MATR3: variants seen among roughly 807,000 people sequenced by gnomAD.
The protein encoded by MATR3 is matrin 3, also known as matrin-3.
Under a neutral mutation model 85.5 loss-of-function variants are expected in MATR3, and 4 were observed. That is an observed-to-expected ratio of 0.05 (90% CI 0.02 to 0.11). MATR3 has a LOEUF of 0.11. MATR3 is among the 10% of genes least tolerant of loss of function. The probability of loss-of-function intolerance (pLI) is 1.00; values close to 1 mark genes in which losing one functional copy is unlikely to be tolerated. For synonymous variants in MATR3, 336 were observed against 343.1 expected (o/e 0.98, Z 0.23); for missense variants, 685 against 1,016.1 (o/e 0.67, Z 4.43).
intron 1 of MATR3, among the ~76,000 whole-genome samples, chr5:139,300,275 G>A (rs1455075407): frequency 1.3e-5 from 2 of 152,182 alleles, no homozygotes; most frequent in Non-Finnish European, 2.9e-5. Flanking sequence ...TGAGGCAGGA[G>A]AATCACGGGA....
intron 12 of MATR3, 52 bp downstream of exon 12, chr5:139,323,019 A>G: frequency 2.6e-6 from 4 of 1,534,732 alleles, no homozygotes; most frequent in Non-Finnish European, 3.6e-6. Context: ...TCAGATCAGT[A>G]TTTCAAGTTA....
intron 1 of MATR3, among the ~76,000 whole-genome samples, chr5:139,298,489 A>AACCT (rs1158289078): frequency 9.2e-5 from 14 of 152,176 alleles, no homozygotes; most frequent in Non-Finnish European, 2.1e-4. Flanking sequence ...GAATTGCTTG[A>AACCT]ACCTGGGAGG....
intron 2 of MATR3, chr5:139,276,219 G>GAGTA: frequency 2.2e-6 from 1 of 456,680 alleles, no homozygotes; most frequent in Non-Finnish European, 4.4e-6. Flanking sequence ...TTGTACCTAG[G>GAGTA]CAAGTGTTAC....
intron 3 of MATR3, among the ~76,000 whole-genome samples, chr5:139,286,839 G>A (rs1399355764): frequency 2.0e-5 from 2 of 97,998 alleles, no homozygotes; most frequent in East Asian, 2.1e-4. Context: ...GCCAGACTCC[G>A]TCTCAAAAAA....
intron 6 of MATR3, 98 bp from the exon 7 acceptor site, chr5:139,317,498 C>T: frequency 8.4e-7 from 1 of 1,196,250 alleles, no homozygotes; most frequent in Non-Finnish European, 1.2e-6. Context: ...CTTACACTCT[C>T]CTGGTTAATT....
upstream of MATR3, among the ~76,000 whole-genome samples, chr5:139,290,435 G>A (rs1159416336): frequency 9.9e-5 from 5 of 50,312 alleles, no homozygotes; most frequent in African/African-American, 2.8e-4. Flanking sequence ...GCGCCTGGCC[G>A]CTCTTTTTTT....
intron 1 of MATR3, chr5:139,274,352 T>C (rs1753186185): frequency 2.9e-6 from 1 of 342,400 alleles, no homozygotes; most frequent in Non-Finnish European, 5.8e-6. Context: ...CCCTCTTCCC[T>C]CTTCTCCCTA....
upstream of MATR3, among the ~76,000 whole-genome samples, chr5:139,290,362 C>T (rs1202709730): frequency 2.0e-5 from 3 of 149,196 alleles, no homozygotes; most frequent in Non-Finnish European, 1.5e-5. Flanking sequence ...CCAGGCTGGT[C>T]TCGAACTCCT....
chr5:139,305,213 GT>G (rs1305566913), intron 1 of MATR3, among the ~76,000 whole-genome samples: 1 of 152,008 alleles, frequency 6.6e-6, no homozygotes, highest in Non-Finnish European at 1.5e-5. Flanking sequence ...TTCATTTTCT[GT>G]TTGTCTTAAG....
At chr5:139,277,811 G>A (rs1341459366) in intron 2 of MATR3, among the ~76,000 whole-genome samples, 1 of 148,804 alleles carries the variant, frequency 6.7e-6, no homozygotes, top group Non-Finnish European at 1.5e-5. Context: ...GTTATATGGG[G>A]TACAACATGA....
In MATR3 at chr5:139,324,573, T is replaced by G. The variant is rs192437014; in HGVS notation, c.2149-867T>G. Among the ~76,000 whole-genome samples, 108 of 152,202 alleles carry G rather than the reference T, an allele frequency of 7.1e-4. 1 individual carries two copies. The Middle Eastern group carries it at 0.014, about 19-fold the overall frequency. On this transcript the variant is annotated intron_variant, in intron 12 of 14. Coordinates refer to ENST00000394805, the MANE Select transcript of MATR3 (RefSeq NM_018834.6). ...CCTCCCAAAGTGCTGGAATTACAGG[T>G]GTGAGCCACCATGCCTGGCCCAGAG...
In MATR3 at chr5:139,326,350, A is replaced by G. The variant is rs1325435426; in HGVS notation, c.2493+66A>G. The G allele has an allele frequency of 1.9e-5, 28 of 1,497,576 alleles. No homozygotes were observed. The East Asian group carries it at 5.2e-4, about 28-fold the overall frequency. The allele number at this position is 1,497,576 out of a possible 1,614,324, so 92.8% of individuals were successfully genotyped here. ...CAAGTTATGGAAATAAGTGGGGTAT[A>G]TAAGTAAAATGTGTATAGTGTTCTC... On this transcript the variant is annotated intron_variant, in intron 14 of 14. Coordinates refer to ENST00000394805, the MANE Select transcript of MATR3 (RefSeq NM_018834.6).
At chr5:139,314,499 A>G (rs1320927963) in intron 2 of MATR3, 176 bp from the exon 3 acceptor site, 5 of 606,140 alleles carry the variant, frequency 8.2e-6, no homozygotes, top group Non-Finnish European at 1.5e-5. Flanking sequence ...GGGCAGGATC[A>G]AGCCTCAAGG....
upstream of MATR3, among the ~76,000 whole-genome samples, chr5:139,290,466 T>TTA (rs1753837965): frequency 7.1e-6 from 1 of 141,020 alleles, no homozygotes; most frequent in South Asian, 2.3e-4. Flanking sequence ...TTTTTTTTTT[T>TTA]AACAGGGTCC....
intron 1 of MATR3, among the ~76,000 whole-genome samples, chr5:139,301,609 A>G (rs1754447155): frequency 2.6e-5 from 4 of 151,964 alleles, no homozygotes; most frequent in Admixed American, 2.6e-4. Flanking sequence ...GGTATAAGCC[A>G]CCGCGCCCAG....
intron 3 of MATR3, among the ~76,000 whole-genome samples, chr5:139,288,345 T>G (rs1490039592): frequency 6.6e-6 from 1 of 152,230 alleles, no homozygotes; most frequent in Non-Finnish European, 1.5e-5. Context: ...AAATAATTAC[T>G]TCGTTGAAAA....
At position 139,300,015 on chromosome 5, in the gene MATR3, A is replaced by C. The variant is rs1482621088; in HGVS notation, c.-178+6210A>C. ...ACAGAATGAAGAAGGAAGATGTTTAATTTTTCCACTTTTACTAGAATTACT... is the reference window on the plus strand; with the variant it reads ...ACAGAATGAAGAAGGAAGATGTTTACTTTTTCCACTTTTACTAGAATTACT... On this transcript the variant is annotated intron_variant, in intron 1 of 14. Coordinates refer to ENST00000394805, the MANE Select transcript of MATR3 (RefSeq NM_018834.6). 2.6e-5 allele frequency: 4 copies of C among 152,048 alleles called. No homozygotes were observed. In the East Asian group the frequency reaches 7.7e-4, roughly 29 times the overall value. The allele number at this position is 152,048 out of a possible 1,614,324, so 9.4% of individuals were successfully genotyped here.
At chr5:139,296,562 T>G (rs1375593397) in intron 1 of MATR3, among the ~76,000 whole-genome samples, 1 of 152,228 alleles carries the variant, frequency 6.6e-6, no homozygotes, top group African/African-American at 2.4e-5. Flanking sequence ...CCTCTGTATT[T>G]TTAAGCGAAA....
chr5:139,298,441 G>A (rs1251208835), intron 1 of MATR3, among the ~76,000 whole-genome samples: 3 of 152,098 alleles, frequency 2.0e-5, no homozygotes, highest in Non-Finnish European at 4.4e-5. Context: ...TCGTGATGGC[G>A]CGTTCCTGTA....
Sources: allele counts gnomAD v4.1 joint callset (sites outside exome capture counted in the v4.1 genomes callset), GRCh38; gene constraint gnomAD v4.1.1; transcripts MANE v1.5; gene names NCBI Gene and HGNC (gene_info 2026-07-23, HGNC 2026-07-21).